ITGA9: variants seen among roughly 807,000 people sequenced by gnomAD.
ITGA9 encodes integrin alpha-9.
A neutral mutation model predicts 127.8 loss-of-function variants in ITGA9; 56 were observed. That is an observed-to-expected ratio of 0.44 (90% confidence interval 0.35 to 0.55). The LOEUF (loss-of-function observed/expected upper bound fraction) is 0.55, where lower values mean the gene tolerates loss of function less well. Among genes scored for constraint, ITGA9 ranks in the 20% least tolerant of loss-of-function variants. The pLI, the probability that ITGA9 is intolerant of heterozygous loss-of-function variation, is 0.00. For missense variants in ITGA9, 1,196 were observed against 1,347.1 expected, an observed-to-expected ratio of 0.89 and a Z score of 1.76; for synonymous variants, 508 against 514.5, an observed-to-expected ratio of 0.99 and a Z score of 0.17.
rs539009396 is a variant in ITGA9 at position 37,506,152 on chromosome 3, A to G, written c.828+67A>G. The G allele has an allele frequency of 7.4e-6, 9 of 1,220,544 alleles. No homozygotes were observed. The Admixed American group carries it at 9.8e-5, about 13-fold the overall frequency. 75.6% of individuals were successfully genotyped at this position (1,220,544 alleles called of 1,614,324 possible). A position where few individuals can be genotyped will look rare whatever the true frequency, so the allele number is the denominator to read the frequency against. On this transcript the variant is annotated intron_variant, in intron 7 of 27. Coordinates refer to ENST00000264741, the MANE Select transcript of ITGA9 (RefSeq NM_002207.3). ...GAGGGGAGCATGCTGTCCCTGGTGC[A>G]GAGGTTTGCCAGCTGACATTGACCT... is the stretch of plus-strand genomic sequence containing the variant.
intron 15 of ITGA9, among the ~76,000 whole-genome samples, chr3:37,555,469 A>G (rs562848368): frequency 1.3e-5 from 2 of 152,358 alleles, no homozygotes; most frequent in East Asian, 3.9e-4. Flanking sequence ...ATATAAATTC[A>G]AACTGAAATA....
intron 16 of ITGA9, among the ~76,000 whole-genome samples, chr3:37,637,936 G>A (rs994695224): frequency 6.6e-6 from 1 of 152,186 alleles, no homozygotes; most frequent in Non-Finnish European, 1.5e-5. Context: ...ACCTCCCAAA[G>A]TGTTGGGATT....
intron 15 of ITGA9, among the ~76,000 whole-genome samples, chr3:37,599,103 A>G (rs1174592032): frequency 6.6e-6 from 1 of 152,260 alleles, no homozygotes. Flanking sequence ...GGAAGGATTC[A>G]GTTCTTTCCC....
chr3:37,467,057 G>C (rs1462199778), intron 1 of ITGA9, among the ~76,000 whole-genome samples: 1 of 152,200 alleles, frequency 6.6e-6, no homozygotes, highest in African/African-American at 2.4e-5. Context: ...CTTCAGAAAA[G>C]ACTCACTCAT....
intron 15 of ITGA9, among the ~76,000 whole-genome samples, chr3:37,558,951 A>T (rs1452446189): frequency 6.6e-6 from 1 of 152,140 alleles, no homozygotes; most frequent in Non-Finnish European, 1.5e-5. Flanking sequence ...GCTCCCTCAC[A>T]TCTGAGCTGT....
rs200844875 is a variant in ITGA9, at chr3:37,506,013, C to T, written c.756C>T (p.Thr252=). Residue 252 remains threonine, a synonymous_variant, in exon 7 of 28, where the codon ACC becomes ACT. Coordinates refer to ENST00000264741, the MANE Select transcript of ITGA9 (RefSeq NM_002207.3). ...CATCCTGTTCAGGCTACGCAGTGAC[C>T]GCTGGCCACTTCTCTCACCCGTCCA... ...RRYTYLGYAV[T]AGHFSHPSTI... 7 of 1,607,082 alleles carry T rather than the reference C, an allele frequency of 4.4e-6. No homozygotes were observed. Among genetic ancestry groups the T allele is most frequent in the Admixed American group, 3.4e-5 (2 of 59,100 alleles).
chr3:37,584,198 C>T (rs1203083340), intron 15 of ITGA9, among the ~76,000 whole-genome samples: 1 of 152,212 alleles, frequency 6.6e-6, no homozygotes, highest in Non-Finnish European at 1.5e-5. Flanking sequence ...CTCCATGTCT[C>T]TTATCTTTCT....
chr3:37,706,110 T>G (rs1701002360), intron 18 of ITGA9, among the ~76,000 whole-genome samples: 2 of 152,148 alleles, frequency 1.3e-5, no homozygotes, highest in Admixed American at 1.3e-4. Flanking sequence ...AAGTTTGGCT[T>G]TGCAGAGTGA....
At chr3:37,552,717 A>G (rs982197494) in intron 15 of ITGA9, among the ~76,000 whole-genome samples, 1 of 152,160 alleles carries the variant, frequency 6.6e-6, no homozygotes, top group African/African-American at 2.4e-5. Flanking sequence ...TTTTCGCATA[A>G]AACATTTTTA....
At chr3:37,719,400 G>A (rs1049375254) in intron 18 of ITGA9, among the ~76,000 whole-genome samples, 1 of 152,124 alleles carries the variant, frequency 6.6e-6, no homozygotes, top group African/African-American at 2.4e-5. Flanking sequence ...ACTAGGAAGA[G>A]GTCCTCTCAG....
chr3:37,803,767 C>CT (rs1697261682), intron 26 of ITGA9, 56 bp from the exon 27 acceptor site: 1 of 1,606,160 alleles, frequency 6.2e-7, no homozygotes, highest in Non-Finnish European at 8.5e-7. Flanking sequence ...GAACAAGACT[C>CT]TGTCTCAAAA....
intron 15 of ITGA9, among the ~76,000 whole-genome samples, chr3:37,555,961 T>C (rs561449299): frequency 5.3e-5 from 8 of 152,226 alleles, no homozygotes; most frequent in Non-Finnish European, 1.2e-4. Flanking sequence ...GTGGTATTGC[T>C]CAGTGGGAAA....
intron 18 of ITGA9, among the ~76,000 whole-genome samples, chr3:37,727,141 C>T (rs916831679): frequency 2.0e-5 from 3 of 152,224 alleles, no homozygotes; most frequent in African/African-American, 4.8e-5. Context: ...CGAGGTGCTA[C>T]AGCTCGCTGC....
intron 18 of ITGA9, among the ~76,000 whole-genome samples, chr3:37,728,771 G>A (rs1696248263): frequency 6.6e-6 from 1 of 151,828 alleles, no homozygotes; most frequent in East Asian, 1.9e-4. Context: ...AGCCTCATAA[G>A]GGAAGAGTAT....
chr3:37,464,340 G>T (rs1003815510), intron 1 of ITGA9, among the ~76,000 whole-genome samples: 4 of 149,716 alleles, frequency 2.7e-5, no homozygotes, highest in Non-Finnish European at 5.9e-5. Flanking sequence ...GCAATTCTAA[G>T]GATCTATGAG....
chr3:37,706,402 G>A (rs922223703), intron 18 of ITGA9, among the ~76,000 whole-genome samples: 4 of 152,112 alleles, frequency 2.6e-5, no homozygotes, highest in Non-Finnish European at 4.4e-5. Flanking sequence ...CAGTTGCAAC[G>A]CCTGAAACCA....
intron 22 of ITGA9, among the ~76,000 whole-genome samples, chr3:37,746,114 G>T (rs1026273656): frequency 1.3e-5 from 2 of 152,226 alleles, no homozygotes; most frequent in Non-Finnish European, 2.9e-5. Flanking sequence ...CAGCTTGGCA[G>T]TGATAATGAC....
At chr3:37,630,569 G>A (rs939000066) in intron 16 of ITGA9, among the ~76,000 whole-genome samples, 4 of 152,188 alleles carry the variant, frequency 2.6e-5, no homozygotes, top group African/African-American at 9.6e-5. Flanking sequence ...GAAGGGAAGT[G>A]TAACCCTCCT....
In ITGA9 at chr3:37,597,044, T is replaced by C. The variant is rs188397440; in HGVS notation, c.1690-32143T>C. On this transcript the variant is annotated intron_variant, in intron 15 of 27. Coordinates refer to ENST00000264741, the MANE Select transcript of ITGA9 (RefSeq NM_002207.3). The surrounding 1 kb of genome is among the most constrained non-coding windows in gnomAD (Gnocchi z 4.6). ...GGGGGTGAGAGGAAGTGACTGCAGC[T>C]TTTTTATCTCCCACTTCCCACCCTC... 6.6e-6 allele frequency among the ~76,000 whole-genome samples: 1 copy of C among 152,298 alleles called. No homozygotes were observed. The highest frequency in any genetic ancestry group is 2.4e-5 in the African/African-American group (1 of 41,562).
Sources: allele counts gnomAD v4.1 joint callset (sites outside exome capture counted in the v4.1 genomes callset), GRCh38; gene constraint gnomAD v4.1.1; non-coding constraint Gnocchi (gnomAD v3.1); transcripts MANE v1.5; gene names NCBI Gene and HGNC (gene_info 2026-07-23, HGNC 2026-07-21).